The following RTN4RL1 variants were observed in gnomAD, a reference collection of about 807,000 sequenced individuals.
RTN4RL1 encodes the protein reticulon-4 receptor-like 1.
In RTN4RL1, 7 loss-of-function variants were observed where a neutral mutation model predicts 25.6. The ratio of observed to expected loss-of-function variants is 0.27; its 90% CI spans 0.16 to 0.51. The LOEUF (loss-of-function observed/expected upper bound fraction) is 0.51. RTN4RL1 is among the 20% of genes least tolerant of loss of function. The probability of loss-of-function intolerance (pLI) is 0.97; values close to 1 mark genes in which losing one functional copy is unlikely to be tolerated. For synonymous variants in RTN4RL1, 297 were observed against 288.2 expected, an observed-to-expected ratio of 1.03 and a Z score of -0.31; for missense variants, 500 against 615.6, an observed-to-expected ratio of 0.81 and a Z score of 1.99.
intron 1 of RTN4RL1, among the ~76,000 whole-genome samples, chr17:1,988,814 A>G (rs2066897972): frequency 6.7e-6 from 1 of 150,252 alleles, no homozygotes; most frequent in Non-Finnish European, 1.5e-5. Context: ...AAGCAGGCTG[A>G]GGCAGGGGCA....
At chr17:1,951,861 A>G (rs1915688462) in intron 1 of RTN4RL1, among the ~76,000 whole-genome samples, 1 of 152,216 alleles carries the variant, frequency 6.6e-6, no homozygotes, top group African/African-American at 2.4e-5. Context: ...CTTGGAGGCC[A>G]CTGGAAAGTT....
At chr17:1,938,176 C>T (rs1915354428) in intron 1 of RTN4RL1, among the ~76,000 whole-genome samples, 1 of 152,246 alleles carries the variant, frequency 6.6e-6, no homozygotes, top group African/African-American at 2.4e-5. Context: ...TCCTGCTCTC[C>T]TCCTAGCTGT....
intron 1 of RTN4RL1, among the ~76,000 whole-genome samples, chr17:1,947,655 C>G (rs2054638347): frequency 6.6e-6 from 1 of 152,208 alleles, no homozygotes; most frequent in African/African-American, 2.4e-5. Flanking sequence ...GAATGCCGTG[C>G]TAATTAGGCC....
intron 1 of RTN4RL1, among the ~76,000 whole-genome samples, chr17:1,986,765 TAGCCAGGAGTCACAG>T (rs1157450820): frequency 5.3e-5 from 8 of 150,816 alleles, no homozygotes; most frequent in Non-Finnish European, 4.4e-5. Context: ...AAAAAATTCA[TAGCCAGGAGTCACAG>T]AGCCAGGAGT....
intron 1 of RTN4RL1, among the ~76,000 whole-genome samples, chr17:1,992,935 T>C (rs1428119228): frequency 6.6e-6 from 1 of 152,162 alleles, no homozygotes; most frequent in African/African-American, 2.4e-5. Flanking sequence ...ATGATGTCAC[T>C]GTGACACAAT....
At chr17:1,938,544 T>A (rs1448818930) in intron 1 of RTN4RL1, among the ~76,000 whole-genome samples, 1 of 151,706 alleles carries the variant, frequency 6.6e-6, no homozygotes, top group Admixed American at 6.6e-5. Flanking sequence ...TCAGGTGATC[T>A]GCCTTGGCCT....
At chr17:1,978,045 C>T (rs543293401) in intron 1 of RTN4RL1, among the ~76,000 whole-genome samples, 171 of 152,248 alleles carry the variant, frequency 1.1e-3, no homozygotes, top group African/African-American at 3.9e-3. Flanking sequence ...ACTCCGCATC[C>T]GGCACCCCGC....
intron 1 of RTN4RL1, among the ~76,000 whole-genome samples, chr17:2,005,219 C>T (rs928734400): frequency 5.3e-5 from 8 of 152,012 alleles, no homozygotes; most frequent in Middle Eastern, 3.2e-3. Flanking sequence ...GTTGTCCACG[C>T]TGTTCTCAAA....
At chr17:1,996,546 T>C (rs972052593) in intron 1 of RTN4RL1, among the ~76,000 whole-genome samples, 11 of 152,178 alleles carry the variant, frequency 7.2e-5, no homozygotes, top group African/African-American at 2.2e-4. Context: ...CTGCCTTGCC[T>C]TATCAGCCTT....
At chr17:2,018,575 G>C (rs899276603) in intron 1 of RTN4RL1, among the ~76,000 whole-genome samples, 1 of 152,216 alleles carries the variant, frequency 6.6e-6, no homozygotes, top group Non-Finnish European at 1.5e-5. Context: ...ACAAATGTCA[G>C]AGAAATCAAG....
chr17:2,007,413 T>C (rs2151324838), intron 1 of RTN4RL1, among the ~76,000 whole-genome samples: 1 of 150,454 alleles, frequency 6.6e-6, no homozygotes, highest in East Asian at 2.0e-4. Flanking sequence ...GTAATTCAAG[T>C]CCCGTCTGGC....
At position 1,935,563 on chromosome 17, in the gene RTN4RL1, G is replaced by A; in HGVS notation, c.*933C>T. The A allele has an allele frequency of 2.0e-6, 2 of 985,152 alleles. No homozygotes were observed. Among genetic ancestry groups the A allele is most frequent in the Non-Finnish European group, 2.4e-6 (2 of 829,804 alleles). The allele number at this position is 985,152 out of a possible 1,614,324, so 61.0% of individuals were successfully genotyped here. A position where few individuals can be genotyped will look rare whatever the true frequency, so the allele number is the denominator to read the frequency against. ...CTTGGAGACTATCGTTGCCAGTTTG[G>A]GATTCTAGACAAAAATTCTATCACT... On this transcript the variant is annotated 3_prime_UTR_variant, in exon 2 of 2. Transcript: ENST00000331238.
In RTN4RL1 at chr17:1,985,051, C is replaced by T. The variant is rs143903096; in HGVS notation, c.13+39802G>A. Among the ~76,000 whole-genome samples, 38 of 152,318 alleles carry T rather than the reference C, an allele frequency of 2.5e-4. 1 individual carries two copies. The highest frequency in any genetic ancestry group is 5.1e-4 in the Non-Finnish European group (35 of 68,018). On this transcript the variant is annotated intron_variant, in intron 1 of 1. Transcript: ENST00000331238. ...CGTTATATGCGACAAGCATTTTTCA[C>T]GCACTGCTCATTTCATTCTCTCAAT...
chr17:1,995,219 A>G (rs144292899), intron 1 of RTN4RL1, among the ~76,000 whole-genome samples: 1 of 152,266 alleles, frequency 6.6e-6, no homozygotes, highest in Non-Finnish European at 1.5e-5. Context: ...TGAGGACAGG[A>G]GTTTGAGACC....
At chr17:1,950,277 C>A (rs1463381567) in intron 1 of RTN4RL1, among the ~76,000 whole-genome samples, 1 of 151,918 alleles carries the variant, frequency 6.6e-6, no homozygotes, top group East Asian at 1.9e-4. Context: ...TGGGGCCCGA[C>A]AGGACACACT....
At chr17:1,999,319 G>A (rs1326419179) in intron 1 of RTN4RL1, among the ~76,000 whole-genome samples, 1 of 152,026 alleles carries the variant, frequency 6.6e-6, no homozygotes, top group Non-Finnish European at 1.5e-5. Context: ...GGTGGCGCGC[G>A]CCTGTGATCC....
At chr17:1,991,984 C>G (rs148794529) in intron 1 of RTN4RL1, among the ~76,000 whole-genome samples, 5,410 of 152,248 alleles carry the variant, frequency 0.036, 133 homozygotes, top group Non-Finnish European at 0.054. Context: ...CTGAGCCCCA[C>G]GCCCACCCTC....
chr17:2,024,556 C>T (rs2067248856), intron 1 of RTN4RL1, among the ~76,000 whole-genome samples: 2 of 152,186 alleles, frequency 1.3e-5, no homozygotes, highest in African/African-American at 2.4e-5. Flanking sequence ...GCAAAGGTCC[C>T]AGGAGGCCGG....
At chr17:1,961,686 G>A (rs1240634692) in intron 1 of RTN4RL1, among the ~76,000 whole-genome samples, 2 of 150,700 alleles carry the variant, frequency 1.3e-5, no homozygotes, top group Non-Finnish European at 2.9e-5. Flanking sequence ...CCAGCACTTT[G>A]GGAGGCCGAT....
Sources: allele counts gnomAD v4.1 joint callset (sites outside exome capture counted in the v4.1 genomes callset), GRCh38; gene constraint gnomAD v4.1.1; transcripts MANE v1.5; gene names NCBI Gene and HGNC (gene_info 2026-07-23, HGNC 2026-07-21).